Variants in C1orf105 observed in about 807,000 individuals in gnomAD.
C1orf105 encodes the protein chromosome 1 open reading frame 105.
In C1orf105, 17 loss-of-function variants were observed where a neutral mutation model predicts 20.8. The observed-to-expected ratio is 0.82, with a 90% CI of 0.56 to 1.23. C1orf105 has a LOEUF of 1.23. Ranked by LOEUF, C1orf105 falls within the 50% of genes most tolerant of loss-of-function variation. C1orf105 has a pLI of 0.00. For missense variants in C1orf105, 219 were observed against 213.5 expected, an observed-to-expected ratio of 1.03 and a Z score of -0.16; for synonymous variants, 72 against 72.1, an observed-to-expected ratio of 1.00 and a Z score of 0.01.
At chr1:172,453,108 C>G in intron 3 of C1orf105, 1 of 1,550,968 alleles carries the variant, frequency 6.4e-7, no homozygotes, top group South Asian at 1.2e-5. Context: ...TTCCACGACT[C>G]TTCAATGCCC....
intron 5 of C1orf105, among the ~76,000 whole-genome samples, chr1:172,462,825 T>C (rs1363461590): frequency 2.6e-5 from 4 of 152,196 alleles, no homozygotes; most frequent in Non-Finnish European, 5.9e-5. Context: ...CAGGCTGCAG[T>C]GCAGTGGCGC....
chr1:172,428,115 ACTCTT>A (rs1427310082), intron 1 of C1orf105, among the ~76,000 whole-genome samples: 2 of 151,904 alleles, frequency 1.3e-5, no homozygotes, highest in African/African-American at 4.8e-5. Flanking sequence ...TTAATTTATA[ACTCTT>A]CTCTTTCTTT....
intron 1 of C1orf105, among the ~76,000 whole-genome samples, chr1:172,431,447 A>G (rs548981088): frequency 2.6e-5 from 4 of 152,320 alleles, no homozygotes; most frequent in Admixed American, 2.6e-4. Flanking sequence ...AAAGGCTGAG[A>G]GAGGAGAGGA....
chr1:172,422,233 G>A (rs1229932570), intron 1 of C1orf105, among the ~76,000 whole-genome samples: 1 of 152,202 alleles, frequency 6.6e-6, no homozygotes, highest in East Asian at 1.9e-4. Context: ...TCCTTCCTTT[G>A]CTTGAGGAGA....
chr1:172,433,106 A>G (rs2071923471), intron 1 of C1orf105, among the ~76,000 whole-genome samples: 1 of 152,234 alleles, frequency 6.6e-6, no homozygotes, highest in Non-Finnish European at 1.5e-5. Flanking sequence ...TCCAAGAAAT[A>G]TGGGACTATG....
Position 172,468,700 on chromosome 1 carries a change from A to C in C1orf105, c.*106A>C. On this transcript the variant is annotated 3_prime_UTR_variant, in exon 7 of 7. Coordinates refer to ENST00000367727, the MANE Select transcript of C1orf105 (RefSeq NM_139240.4). ...CTCACAATTTTCTCTCTTCTCCCAA[A>C]AGATGATTTAATTTTGCCTTCCTAA... The C allele has an allele frequency of 7.8e-7, 1 of 1,283,764 alleles. No individual in the cohort carries two copies. The highest frequency in any genetic ancestry group is 1.1e-6 in the Non-Finnish European group (1 of 932,356). The allele number at this position is 1,283,764 out of a possible 1,614,324, so 79.5% of individuals were successfully genotyped here. A position where few individuals can be genotyped will look rare whatever the true frequency, so the allele number is the denominator to read the frequency against.
In C1orf105 at chr1:172,445,101, C is replaced by T. The variant is rs1647827306; in HGVS notation, c.50C>T (p.Pro17Leu). 6.2e-7 allele frequency: 1 copy of T among 1,613,214 alleles called. No individual in the cohort carries two copies. ...KASVPKFDKI[P>L]WLSEASLVNK... ...TCTGTTCCAAAATTTGACAAGATTC[C>T]TTGGCTTAGTGAGGCCAGCCTTGTA... Residue 17 changes from proline (P) to leucine (L), a missense_variant, in exon 2 of 7, where the codon CCT becomes CTT. Coordinates refer to ENST00000367727, the MANE Select transcript of C1orf105 (RefSeq NM_139240.4).
chr1:172,440,423 A>G (rs1489805615), intron 1 of C1orf105, among the ~76,000 whole-genome samples: 5 of 152,228 alleles, frequency 3.3e-5, no homozygotes, highest in African/African-American at 1.2e-4. Flanking sequence ...GGATTCTTCA[A>G]AGCACTTTGC....
At chr1:172,421,204 A>C (rs1024587813) in intron 1 of C1orf105, among the ~76,000 whole-genome samples, 1 of 152,214 alleles carries the variant, frequency 6.6e-6, no homozygotes, top group Admixed American at 6.5e-5. Context: ...TTAAATCCTC[A>C]GAAAATTGAT....
chr1:172,454,970 C>A (rs1649076206), intron 3 of C1orf105, among the ~76,000 whole-genome samples: 1 of 152,056 alleles, frequency 6.6e-6, no homozygotes. Context: ...AACTTCCTTC[C>A]AGAAACTTTG....
chr1:172,441,866 G>A (rs1239962604), intron 1 of C1orf105: 1 of 1,614,094 alleles, frequency 6.2e-7, no homozygotes, highest in African/African-American at 1.3e-5. Context: ...AGGGCAAAGA[G>A]TACGGCTCCC....
chr1:172,468,817 T>G lies in C1orf105; in HGVS notation c.*223T>G, dbSNP rs370315669. On this transcript the variant is annotated 3_prime_UTR_variant, in exon 7 of 7. Coordinates refer to ENST00000367727, the MANE Select transcript of C1orf105 (RefSeq NM_139240.4). ...ATTTACATGATTATAAAGATCTGTTTATGAAAATGGAACATGGTAACTGTC... is the reference window on the plus strand; with the variant it reads ...ATTTACATGATTATAAAGATCTGTTGATGAAAATGGAACATGGTAACTGTC... 1.5e-4 allele frequency: 59 copies of G among 382,862 alleles called. No homozygotes were observed. The East Asian group carries it at 1.7e-3, about 11-fold the overall frequency. 23.7% of individuals were successfully genotyped at this position (382,862 alleles called of 1,614,324 possible).
At chr1:172,465,733 C>A (rs926089741) in intron 6 of C1orf105, 3 of 461,106 alleles carry the variant, frequency 6.5e-6, no homozygotes, top group Non-Finnish European at 1.3e-5. Flanking sequence ...TCTATACCCT[C>A]AGAGCGGCCT....
At chr1:172,458,919 A>T (rs939642100) in intron 4 of C1orf105, among the ~76,000 whole-genome samples, 2 of 152,206 alleles carry the variant, frequency 1.3e-5, no homozygotes, top group Non-Finnish European at 2.9e-5. Flanking sequence ...TTTTTGACAA[A>T]GGCACCAAGA....
intron 4 of C1orf105, 45 bp from the exon 5 acceptor site, chr1:172,462,133 A>C: frequency 7.2e-7 from 1 of 1,382,432 alleles, no homozygotes. Context: ...ATTTAAATCA[A>C]AATGCAGTTA....
chr1:172,430,973 A>T, intron 1 of C1orf105: 1 of 471,858 alleles, frequency 2.1e-6, no homozygotes, highest in Non-Finnish European at 3.8e-6. Flanking sequence ...CCCATATAAG[A>T]GGGCAAACTT....
At chr1:172,422,391 G>C (rs2071614633) in intron 1 of C1orf105, among the ~76,000 whole-genome samples, 1 of 152,170 alleles carries the variant, frequency 6.6e-6, no homozygotes, top group Non-Finnish European at 1.5e-5. Flanking sequence ...GGCCAAAAGG[G>C]AACTGCCTTG....
chr1:172,447,805 C>A (rs1010028991), intron 2 of C1orf105, among the ~76,000 whole-genome samples: 1 of 152,198 alleles, frequency 6.6e-6, no homozygotes, highest in Non-Finnish European at 1.5e-5. Context: ...ATGAATGGTG[C>A]AACACACACA....
intron 1 of C1orf105, among the ~76,000 whole-genome samples, chr1:172,431,893 T>C (rs978000853): frequency 6.6e-6 from 1 of 152,230 alleles, no homozygotes. Flanking sequence ...CCCCAAACAC[T>C]GTGCTTTTCC....
Sources: allele counts gnomAD v4.1 joint callset (sites outside exome capture counted in the v4.1 genomes callset), GRCh38; gene constraint gnomAD v4.1.1; transcripts MANE v1.5; gene names NCBI Gene and HGNC (gene_info 2026-07-23, HGNC 2026-07-21).